The following PTPRD variants were observed in gnomAD, a reference collection of about 807,000 sequenced individuals.
PTPRD encodes receptor-type tyrosine-protein phosphatase delta.
PTPRD carries 34 observed loss-of-function variants against 214.5 expected under a neutral mutation model. The observed-to-expected ratio is 0.16, with a 90% confidence interval of 0.12 to 0.21. The LOEUF (loss-of-function observed/expected upper bound fraction) is 0.21. PTPRD is among the 10% of genes least tolerant of loss of function. PTPRD has a pLI of 1.00. For synonymous variants in PTPRD, 1,128 were observed against 845.7 expected (o/e 1.33, Z -5.79); for missense variants, 2,545 against 2,398.7 (o/e 1.06, Z -1.27).
At chr9:9,788,486 A>G (rs537963459) in intron 5 of PTPRD, among the ~76,000 whole-genome samples, 11 of 147,064 alleles carry the variant, frequency 7.5e-5, no homozygotes, top group Non-Finnish European at 1.5e-4. Context: ...CGGGAGGCAG[A>G]GCTTGCAGTG....
At chr9:10,418,553 AT>A (rs971644282) in intron 2 of PTPRD, among the ~76,000 whole-genome samples, 4 of 151,330 alleles carry the variant, frequency 2.6e-5, no homozygotes, top group Non-Finnish European at 5.9e-5. Context: ...ACCATCTGGC[AT>A]ACCTGTTAAT....
chr9:9,209,900 A>G (rs2099947426), intron 9 of PTPRD, among the ~76,000 whole-genome samples: 1 of 152,150 alleles, frequency 6.6e-6, no homozygotes, highest in African/African-American at 2.4e-5. Context: ...CTCTCAGCAG[A>G]GCAAGCAGTA....
intron 45 of PTPRD, 73 bp downstream of exon 45, chr9:8,319,758 T>G: frequency 6.4e-6 from 10 of 1,564,740 alleles, no homozygotes; most frequent in Non-Finnish European, 8.7e-6. Context: ...GTTGAGAGAG[T>G]ATGGAGTCCG....
At chr9:8,417,679 T>A (rs1009421487) in intron 35 of PTPRD, among the ~76,000 whole-genome samples, 4 of 152,150 alleles carry the variant, frequency 2.6e-5, no homozygotes, top group Non-Finnish European at 5.9e-5. Flanking sequence ...ACCATCACCT[T>A]TTCAAGTATT....
chr9:9,959,905 A>G (rs1355097411), intron 4 of PTPRD, among the ~76,000 whole-genome samples: 1 of 152,214 alleles, frequency 6.6e-6, no homozygotes, highest in Non-Finnish European at 1.5e-5. Flanking sequence ...ATAGATGTTT[A>G]CATATAGAGA....
intron 6 of PTPRD, among the ~76,000 whole-genome samples, chr9:9,739,360 AT>A (rs1484759909): frequency 1.3e-5 from 2 of 152,186 alleles, no homozygotes; most frequent in African/African-American, 4.8e-5. Flanking sequence ...AATGTTTATA[AT>A]AAAGGGTTTT....
chr9:10,528,146 G>C (rs1397908631), intron 2 of PTPRD, among the ~76,000 whole-genome samples: 2 of 152,182 alleles, frequency 1.3e-5, no homozygotes, highest in Middle Eastern at 3.4e-3. Flanking sequence ...AGTGAATCCT[G>C]CTCTAAATTC....
chr9:9,695,933 T>A (rs1200615956), intron 7 of PTPRD, among the ~76,000 whole-genome samples: 1 of 152,140 alleles, frequency 6.6e-6, no homozygotes, highest in African/African-American at 2.4e-5. Context: ...TGGAAGTATT[T>A]CCTCCTTTTC....
chr9:9,419,526 T>C (rs1027172192), intron 8 of PTPRD, among the ~76,000 whole-genome samples: 3 of 151,818 alleles, frequency 2.0e-5, no homozygotes, highest in African/African-American at 4.8e-5. Context: ...GGGAAACCTA[T>C]AATTCTGCTT....
intron 2 of PTPRD, among the ~76,000 whole-genome samples, chr9:10,590,357 C>T (rs954582416): frequency 6.6e-6 from 1 of 151,872 alleles, no homozygotes; most frequent in Non-Finnish European, 1.5e-5. Context: ...ATTAAATGCA[C>T]CTATTTTAAA....
intron 7 of PTPRD, among the ~76,000 whole-genome samples, chr9:9,679,439 A>G (rs565599877): frequency 6.6e-5 from 10 of 151,962 alleles, no homozygotes; most frequent in Non-Finnish European, 1.2e-4. Context: ...CCTGAACTTT[A>G]AAAATAAATT....
intron 12 of PTPRD, among the ~76,000 whole-genome samples, chr9:8,731,269 T>A (rs1475823123): frequency 5.9e-5 from 9 of 152,058 alleles, no homozygotes; most frequent in Middle Eastern, 3.2e-3. Context: ...TCCATTCCCA[T>A]CCCCATATGG....
At chr9:9,994,975 T>A (rs2096071399) in intron 4 of PTPRD, among the ~76,000 whole-genome samples, 1 of 152,116 alleles carries the variant, frequency 6.6e-6, no homozygotes, top group African/African-American at 2.4e-5. Context: ...ACATTTAAAA[T>A]TTAAAAGCTT....
At chr9:8,547,830 T>C (rs1389248532) in intron 14 of PTPRD, among the ~76,000 whole-genome samples, 5 of 152,226 alleles carry the variant, frequency 3.3e-5, no homozygotes, top group Admixed American at 3.3e-4. Context: ...TTTACATTAC[T>C]TGCAGAAAAT....
chr9:9,102,786 A>AT (rs2099793144), intron 10 of PTPRD, among the ~76,000 whole-genome samples: 2 of 152,316 alleles, frequency 1.3e-5, no homozygotes, highest in African/African-American at 4.8e-5. Context: ...ACTGGTAGAG[A>AT]TTTTTTCTCA....
intron 7 of PTPRD, among the ~76,000 whole-genome samples, chr9:9,619,391 A>C (rs1206359921): frequency 6.6e-6 from 1 of 151,640 alleles, no homozygotes; most frequent in Non-Finnish European, 1.5e-5. Context: ...AGGTGGCTAA[A>C]CTTTGACACT....
At chr9:8,515,078 T>A (rs1477320434) in intron 21 of PTPRD, among the ~76,000 whole-genome samples, 1 of 152,184 alleles carries the variant, frequency 6.6e-6, no homozygotes, top group Non-Finnish European at 1.5e-5. Flanking sequence ...CTTTGTAAAT[T>A]ACTCAGTCAT....
intron 9 of PTPRD, among the ~76,000 whole-genome samples, chr9:9,224,029 T>A: frequency 6.6e-6 from 1 of 152,042 alleles, no homozygotes. Flanking sequence ...TTTCATCTGA[T>A]TAGAAGATCA....
intron 4 of PTPRD, among the ~76,000 whole-genome samples, chr9:9,981,317 A>T (rs185840244): frequency 2.0e-5 from 3 of 151,678 alleles, no homozygotes; most frequent in East Asian, 3.9e-4. Context: ...GGCCAATAAC[A>T]TGTAGGTAAA....
Sources: gnomAD v4.1 joint callset for allele counts (sites outside exome capture counted in the v4.1 genomes callset) on GRCh38, gnomAD v4.1.1 for gene constraint, MANE v1.5 for transcripts, NCBI Gene and HGNC (gene_info 2026-07-23, HGNC 2026-07-21) for gene names.